The following SPIRE1 variants were observed in gnomAD, a reference collection of about 807,000 sequenced individuals.
SPIRE1 encodes spire type actin nucleation factor 1, also known as protein spire homolog 1.
SPIRE1 carries 40 observed loss-of-function variants against 94.1 expected under a neutral mutation model. The observed-to-expected ratio is 0.43, with a 90% CI of 0.33 to 0.55. The LOEUF is 0.55. Among genes scored for constraint, SPIRE1 ranks in the 20% least tolerant of loss-of-function variants. The pLI is 0.06. For synonymous variants in SPIRE1, 376 were observed against 371.7 expected (o/e 1.01, Z -0.13); for missense variants, 838 against 975.2 (o/e 0.86, Z 1.87).
chr18:12,474,815 T>G, intron 10 of SPIRE1, among the ~76,000 whole-genome samples: 1 of 151,726 alleles, frequency 6.6e-6, no homozygotes, highest in African/African-American at 2.4e-5. Flanking sequence ...TGAGGCTCCA[T>G]CTCAAAAAAC....
At chr18:12,578,672 C>T (rs2036174569) in intron 2 of SPIRE1, among the ~76,000 whole-genome samples, 1 of 152,096 alleles carries the variant, frequency 6.6e-6, no homozygotes, top group African/African-American at 2.4e-5. Context: ...GACTAGTAAT[C>T]GTGAGAGGAG....
At chr18:12,622,469 C>CT (rs1248001880) in intron 2 of SPIRE1, among the ~76,000 whole-genome samples, 15 of 146,238 alleles carry the variant, frequency 1.0e-4, no homozygotes, top group African/African-American at 3.8e-4. Context: ...GTCGCCCAGG[C>CT]TGGAGTGCAG....
rs1344794257 is a variant in SPIRE1, at chr18:12,625,870, C to T, written c.372+9192G>A. ...TCAGCCTGGCCAACATGGTGAAACC[C>T]CGTCTCTACTAAAAATACAAAAATT... On this transcript the variant is annotated intron_variant, in intron 2 of 16. Coordinates refer to ENST00000409402, the MANE Select transcript of SPIRE1 (RefSeq NM_001128626.2). 5.9e-5 allele frequency among the ~76,000 whole-genome samples: 9 copies of T among 152,096 alleles called. No individual in the cohort carries two copies. The East Asian group carries it at 1.5e-3, about 26-fold the overall frequency.
intron 10 of SPIRE1, among the ~76,000 whole-genome samples, chr18:12,478,511 GTGTGTGTGTGCA>G (rs2032703286): frequency 6.7e-6 from 1 of 149,810 alleles, no homozygotes; most frequent in Non-Finnish European, 1.5e-5. Flanking sequence ...AAGCTAGAGT[GTGTGTGTGTGCA>G]TGTGTGTGTG....
At chr18:12,554,643 G>A (rs1027548279) in intron 2 of SPIRE1, among the ~76,000 whole-genome samples, 7 of 152,036 alleles carry the variant, frequency 4.6e-5, no homozygotes, top group East Asian at 3.8e-4. Flanking sequence ...ATTCTCAAAG[G>A]TGAGTAATCC....
At chr18:12,537,469 C>T (rs533836765) in intron 3 of SPIRE1, among the ~76,000 whole-genome samples, 1 of 152,282 alleles carries the variant, frequency 6.6e-6, no homozygotes, top group South Asian at 2.1e-4. Context: ...ATTATACATA[C>T]AAAAGCTTCA....
intron 2 of SPIRE1, among the ~76,000 whole-genome samples, chr18:12,560,521 G>A (rs986040307): frequency 6.6e-6 from 1 of 152,116 alleles, no homozygotes; most frequent in African/African-American, 2.4e-5. Context: ...CTTATTTGTG[G>A]GAGCTAAAAA....
At chr18:12,565,629 C>T (rs550953987) in intron 2 of SPIRE1, among the ~76,000 whole-genome samples, 2 of 152,202 alleles carry the variant, frequency 1.3e-5, no homozygotes, top group Admixed American at 1.3e-4. Flanking sequence ...CCGCCTCAGC[C>T]TCCCAAAGTC....
In SPIRE1 at chr18:12,598,634, T is replaced by C. The variant is rs537927739; in HGVS notation, c.372+36428A>G. Among the ~76,000 whole-genome samples, 3 of 152,280 alleles carry C rather than the reference T, an allele frequency of 2.0e-5. No individual in the cohort carries two copies. In the South Asian group the frequency reaches 6.2e-4, roughly 32 times the overall value. ...AAAACTTACAGAAAAGTCTCAGGAA[T>C]TAAAATGACTGAAAAGGCAAGGATA... On this transcript the variant is annotated intron_variant, in intron 2 of 16. Transcript: ENST00000409402.
At chr18:12,454,520 AC>A (rs780676104) in intron 12 of SPIRE1, 37 bp from the exon 13 acceptor site, 2 of 1,608,712 alleles carry the variant, frequency 1.2e-6, no homozygotes, top group Admixed American at 1.7e-5. Flanking sequence ...AGAGATTCCT[AC>A]CCCCTGTTCT....
chr18:12,562,307 C>A (rs2035707950), intron 2 of SPIRE1, among the ~76,000 whole-genome samples: 1 of 152,006 alleles, frequency 6.6e-6, no homozygotes, highest in Non-Finnish European at 1.5e-5. Context: ...GTTTCTGAGA[C>A]ATGATCTCAC....
intron 2 of SPIRE1, among the ~76,000 whole-genome samples, chr18:12,634,495 T>C (rs2037868687): frequency 6.6e-6 from 1 of 152,082 alleles, no homozygotes; most frequent in Non-Finnish European, 1.5e-5. Flanking sequence ...AACTCAATTC[T>C]GCAAATAATA....
intron 2 of SPIRE1, among the ~76,000 whole-genome samples, chr18:12,585,097 C>T (rs901226601): frequency 6.6e-6 from 1 of 152,050 alleles, no homozygotes; most frequent in Admixed American, 6.6e-5. Flanking sequence ...AGCTACCACG[C>T]CAGGCCAATA....
chr18:12,595,939 T>A (rs2144611443), intron 2 of SPIRE1, among the ~76,000 whole-genome samples: 1 of 152,252 alleles, frequency 6.6e-6, no homozygotes, highest in South Asian at 2.1e-4. Flanking sequence ...AAAGAGGGGA[T>A]GGGGGATTGG....
chr18:12,480,985 T>G (rs2032820382), intron 9 of SPIRE1, among the ~76,000 whole-genome samples: 1 of 152,272 alleles, frequency 6.6e-6, no homozygotes, highest in Admixed American at 6.5e-5. Context: ...TGAAAAAGAC[T>G]GACTGATGCT....
intron 11 of SPIRE1, 97 bp from the exon 12 acceptor site, chr18:12,463,590 ATTTATTT>A: frequency 3.0e-6 from 3 of 986,278 alleles, no homozygotes; most frequent in South Asian, 1.8e-5. Context: ...AAGATGAATT[ATTTATTT>A]CATTGGAGAG....
At chr18:12,648,026 C>G (rs1364930327) in intron 1 of SPIRE1, among the ~76,000 whole-genome samples, 3 of 152,124 alleles carry the variant, frequency 2.0e-5, no homozygotes, top group Non-Finnish European at 4.4e-5. Flanking sequence ...CGGGAACAAT[C>G]TGAGCAACAA....
At chr18:12,650,975 C>A (rs1312885297) in intron 1 of SPIRE1, among the ~76,000 whole-genome samples, 6 of 152,060 alleles carry the variant, frequency 3.9e-5, no homozygotes, top group Admixed American at 3.9e-4. Flanking sequence ...AGGCTCCTCC[C>A]ACTCACTTAG....
chr18:12,534,756 A>G (rs766692829), intron 4 of SPIRE1, among the ~76,000 whole-genome samples: 4 of 152,254 alleles, frequency 2.6e-5, no homozygotes, highest in South Asian at 4.2e-4. Flanking sequence ...AATTCCCCTA[A>G]TAAGTCCCCT....
Sources: allele counts gnomAD v4.1 joint callset (sites outside exome capture counted in the v4.1 genomes callset), GRCh38; gene constraint gnomAD v4.1.1; transcripts MANE v1.5; gene names NCBI Gene and HGNC (gene_info 2026-07-23, HGNC 2026-07-21).